The following LIPA variants were observed in gnomAD, a reference collection of about 807,000 sequenced individuals.
LIPA encodes the protein lysosomal acid lipase/cholesteryl ester hydrolase.
In LIPA, 26 loss-of-function variants were observed where a neutral mutation model predicts 40.6. That is an observed-to-expected ratio of 0.64 (90% CI 0.47 to 0.89). The LOEUF (loss-of-function observed/expected upper bound fraction) is 0.89. Among genes scored for constraint, LIPA ranks in the 40% least tolerant of loss-of-function variants. The probability of loss-of-function intolerance (pLI) is 0.00; values close to 1 mark genes in which losing one functional copy is unlikely to be tolerated. For synonymous variants in LIPA, 188 were observed against 168.4 expected (o/e 1.12, Z -0.90); for missense variants, 455 against 479.6 (o/e 0.95, Z 0.48).
At chr10:89,226,507 T>C (rs1337812062) in intron 5 of LIPA, among the ~76,000 whole-genome samples, 1 of 152,238 alleles carries the variant, frequency 6.6e-6, no homozygotes, top group African/African-American at 2.4e-5. Context: ...CATATAACTT[T>C]TCAAAATTTT....
intron 1 of LIPA, among the ~76,000 whole-genome samples, chr10:89,321,429 C>T (rs112254674): frequency 6.6e-4 from 101 of 152,284 alleles, no homozygotes; most frequent in African/African-American, 2.3e-3. Context: ...GGACACTTCT[C>T]AAAAGAAGAC....
chr10:89,243,517 G>C (rs755115676), intron 3 of LIPA, among the ~76,000 whole-genome samples: 2 of 151,634 alleles, frequency 1.3e-5, no homozygotes, highest in Non-Finnish European at 2.9e-5. Context: ...TAAAGACCTA[G>C]ACTCTCCACT....
chr10:89,278,192 A>G (rs1215122017), intron 1 of LIPA: 4 of 152,224 alleles, frequency 2.6e-5, no homozygotes, highest in Non-Finnish European at 5.9e-5. Context: ...CTCAGGAAGT[A>G]ATAACAGGAA....
chr10:89,405,386 GA>G (rs1844513849), intron 2 of LIPA: 1 of 152,054 alleles, frequency 6.6e-6, no homozygotes, highest in African/African-American at 2.4e-5. Context: ...TAATAAGAAG[GA>G]AAAAATAAAT....
intron 2 of LIPA, among the ~76,000 whole-genome samples, chr10:89,359,403 T>C (rs1844007203): frequency 6.6e-6 from 1 of 152,252 alleles, no homozygotes; most frequent in African/African-American, 2.4e-5. Flanking sequence ...GATTCACTAC[T>C]AAGAGGTTCC....
chr10:89,300,723 A>G (rs1210324080), intron 1 of LIPA, among the ~76,000 whole-genome samples: 1 of 152,056 alleles, frequency 6.6e-6, no homozygotes, highest in Non-Finnish European at 1.5e-5. Flanking sequence ...GTGGTGGCTC[A>G]CGCCTGTAAT....
chr10:89,280,903 TA>T (rs1843311184), intron 1 of LIPA, among the ~76,000 whole-genome samples: 1 of 152,240 alleles, frequency 6.6e-6, no homozygotes. Context: ...CCAGCTATTA[TA>T]ATCCCAATTT....
upstream of LIPA, chr10:89,414,653 G>C: frequency 3.8e-6 from 3 of 794,644 alleles, no homozygotes; most frequent in Non-Finnish European, 5.5e-6. Context: ...AAGACACGCC[G>C]CGCGGCCGAG....
At chr10:89,262,378 C>T (rs1264067473) in intron 1 of LIPA, among the ~76,000 whole-genome samples, 1 of 152,226 alleles carries the variant, frequency 6.6e-6, no homozygotes, top group Non-Finnish European at 1.5e-5. Flanking sequence ...TTCTCTTTGC[C>T]TCTGCATTCT....
At chr10:89,306,942 C>T (rs765322482) in intron 1 of LIPA, 19 of 1,613,868 alleles carry the variant, frequency 1.2e-5, no homozygotes, top group Non-Finnish European at 1.6e-5. Context: ...GCTGATGAGG[C>T]CAATGATAAT....
chr10:89,291,188 C>T (rs1843372535), intron 1 of LIPA, among the ~76,000 whole-genome samples: 1 of 151,616 alleles, frequency 6.6e-6, no homozygotes, highest in Admixed American at 6.6e-5. Context: ...TCCAATCCTT[C>T]CTCTTACTTC....
intron 1 of LIPA, among the ~76,000 whole-genome samples, chr10:89,251,423 T>A (rs1378640907): frequency 6.6e-6 from 1 of 152,194 alleles, no homozygotes; most frequent in Non-Finnish European, 1.5e-5. Flanking sequence ...CCTGCTGTCC[T>A]CGCGGTCCAG....
intron 1 of LIPA, among the ~76,000 whole-genome samples, chr10:89,301,537 C>G (rs149628565): frequency 6.6e-4 from 100 of 152,280 alleles, no homozygotes; most frequent in Non-Finnish European, 1.1e-3. Flanking sequence ...TAACTCACTA[C>G]GCAGCTGGGC....
At position 89,225,149 on chromosome 10, in the gene LIPA, G is replaced by A. The variant is rs763651849; in HGVS notation, c.618C>T (p.Val206=). ...TGGCCATAGGGCTAGTACAGAAGGC[G>A]ACGGAAGCCACAGGACCCAGGGCAA... ...MFFALGPVAS[V]AFCTSPMAKL... is the part of the protein sequence containing the mutation. The change falls in exon 6 of 10, where the codon GTC becomes GTT. Residue 206 remains valine (V), a synonymous_variant. Coordinates refer to ENST00000336233, the MANE Select transcript of LIPA (RefSeq NM_000235.4). 1.5e-5 allele frequency: 24 copies of A among 1,614,044 alleles called. No individual in the cohort carries two copies. The highest frequency in any genetic ancestry group is 4.0e-5 in the African/African-American group (3 of 74,924).
intron 2 of LIPA, among the ~76,000 whole-genome samples, chr10:89,390,800 T>C (rs1844241984): frequency 6.6e-6 from 1 of 152,244 alleles, no homozygotes; most frequent in Non-Finnish European, 1.5e-5. Flanking sequence ...TTTTTGTTCA[T>C]ATCTCTGCAT....
intron 2 of LIPA, chr10:89,383,187 C>T: frequency 1.3e-6 from 1 of 773,308 alleles, no homozygotes; most frequent in Non-Finnish European, 2.1e-6. Flanking sequence ...GACTGTAGAA[C>T]CCAGAGGGGC....
intron 1 of LIPA, among the ~76,000 whole-genome samples, chr10:89,288,322 AC>A (rs1245526021): frequency 6.6e-6 from 1 of 152,086 alleles, no homozygotes; most frequent in Non-Finnish European, 1.5e-5. Context: ...ACAAAAGCAA[AC>A]CTAGCTGACC....
At chr10:89,276,990 G>A (rs1320385867) in intron 1 of LIPA, among the ~76,000 whole-genome samples, 2 of 152,100 alleles carry the variant, frequency 1.3e-5, no homozygotes, top group Non-Finnish European at 2.9e-5. Flanking sequence ...TGAATCCCTA[G>A]TACTCACCCC....
chr10:89,392,465 T>TTCCCCCCCC (rs2133611264), intron 2 of LIPA: 1 of 346,844 alleles, frequency 2.9e-6, no homozygotes, highest in African/African-American at 3.4e-5. Context: ...CAAAGTTTCA[T>TTCCCCCCCC]TCCCCACCCC....
Sources: allele counts gnomAD v4.1 joint callset (sites outside exome capture counted in the v4.1 genomes callset), GRCh38; gene constraint gnomAD v4.1.1; transcripts MANE v1.5; gene names NCBI Gene and HGNC (gene_info 2026-07-23, HGNC 2026-07-21).